Variants in KCNC4 observed in about 807,000 individuals in gnomAD.
KCNC4 encodes voltage-gated potassium channel KCNC4.
A neutral mutation model predicts 42.8 loss-of-function variants in KCNC4; 23 were observed. The ratio of observed to expected loss-of-function variants is 0.54; its 90% confidence interval spans 0.39 to 0.76. The LOEUF is 0.76. Ranked by LOEUF, KCNC4 falls within the 30% of genes least tolerant of loss-of-function variation. The pLI is 0.00. For missense variants in KCNC4, 751 were observed against 898.2 expected (o/e 0.84, Z 2.10); for synonymous variants, 422 against 393.5 (o/e 1.07, Z -0.86).
chr1:110,259,655 C>T (rs1158872453), intron 1 of KCNC4, among the ~76,000 whole-genome samples: 3 of 151,786 alleles, frequency 2.0e-5, no homozygotes, highest in African/African-American at 7.3e-5. Context: ...AATGAAGCAG[C>T]TGTCTCACAC....
downstream of KCNC4, among the ~76,000 whole-genome samples, chr1:110,254,097 G>GC (rs1316067921): frequency 7.4e-6 from 1 of 135,672 alleles, no homozygotes; most frequent in Non-Finnish European, 1.7e-5. Context: ...AGTCGGGGGG[G>GC]GGGCGGCGTT....
intron 1 of KCNC4, among the ~76,000 whole-genome samples, chr1:110,273,210 G>T (rs886565745): frequency 2.2e-4 from 34 of 152,204 alleles, no homozygotes; most frequent in African/African-American, 8.2e-4. Context: ...GAGAGAAAGT[G>T]CTGTGTGTTT....
At chr1:110,250,977 G>A (rs12133378), downstream of KCNC4, among the ~76,000 whole-genome samples, 47,242 of 152,058 alleles carry the variant, frequency 0.31, 7,707 homozygotes, top group Non-Finnish European at 0.36. Flanking sequence ...TCTGGGGGAC[G>A]GGACTAGGGC....
downstream of KCNC4, among the ~76,000 whole-genome samples, chr1:110,249,313 C>G (rs1017684341): frequency 6.6e-6 from 1 of 152,220 alleles, no homozygotes; most frequent in Non-Finnish European, 1.5e-5. Context: ...GTCTCTTCCC[C>G]TTTACCCTCC....
intron 3 of KCNC4, 32 bp downstream of exon 3, chr1:110,226,210 C>A (rs768423888): frequency 6.3e-7 from 1 of 1,596,302 alleles, no homozygotes; most frequent in Admixed American, 1.7e-5. Flanking sequence ...AGGTGGGGAG[C>A]CCCCACAGAG....
chr1:110,275,283 T>A (rs1055521681), intron 1 of KCNC4, among the ~76,000 whole-genome samples: 6 of 151,942 alleles, frequency 3.9e-5, no homozygotes, highest in Non-Finnish European at 7.4e-5. Flanking sequence ...AATCATCAGG[T>A]TTTAATGCAA....
At chr1:110,280,938 C>T (rs1659809892) in intron 1 of KCNC4, among the ~76,000 whole-genome samples, 1 of 152,088 alleles carries the variant, frequency 6.6e-6, no homozygotes, top group Non-Finnish European at 1.5e-5. Context: ...TGATCTTTAC[C>T]CAGCTTAGTT....
chr1:110,283,225 T>C (rs912535318), downstream of KCNC4: 3 of 152,142 alleles, frequency 2.0e-5, no homozygotes, highest in Non-Finnish European at 2.9e-5. Context: ...CAACCATTTA[T>C]GAGAGATCTG....
chr1:110,241,477 A>G (rs1352802603), exon 4 of KCNC4: 3 of 152,190 alleles, frequency 2.0e-5, no homozygotes, highest in Admixed American at 1.3e-4. Context: ...CAAGCAGGAT[A>G]GATAATTTTT....
rs1658811705 is a variant in KCNC4, at chr1:110,233,424, C to T, written c.*452C>T. On this transcript the variant is annotated 3_prime_UTR_variant, in exon 4 of 4. Coordinates refer to ENST00000438661, the MANE Select transcript of KCNC4 (RefSeq NM_001039574.3). The stretch of plus-strand genomic sequence containing the variant: ...CAGGCTCCTGTCTTGGGGATGTTTC[C>T]CCTGTCAGCAAGTAACCTGGTGAAG... The T allele has an allele frequency of 4.9e-6, 1 of 203,742 alleles. No homozygotes were observed. The highest frequency in any genetic ancestry group is 2.3e-5 in the African/African-American group (1 of 42,664). The allele number at this position is 203,742 out of a possible 1,614,324, so 12.6% of individuals were successfully genotyped here.
intron 3 of KCNC4, chr1:110,232,701 T>G: frequency 6.7e-7 from 1 of 1,491,850 alleles, no homozygotes; most frequent in Non-Finnish European, 8.9e-7. Context: ...TTCCTGGCCT[T>G]TTAGCCCTGG....
rs549548759 is a variant in KCNC4, at chr1:110,211,631, C to T, written c.132C>T (p.Gly44=). 1.9e-6 allele frequency: 3 copies of T among 1,613,920 alleles called. No homozygotes were observed. Among genetic ancestry groups the T allele is most frequent in the East Asian group, 4.5e-5 (2 of 44,874 alleles). The change falls in exon 1 of 4, where the codon GGC becomes GGT. Residue 44 remains glycine (G), a synonymous_variant. Coordinates refer to ENST00000438661, the MANE Select transcript of KCNC4 (RefSeq NM_001039574.3). The surrounding 1 kb of genome is among the most constrained non-coding windows in gnomAD (Gnocchi z 6.5). ...ASEKIIINVG[G]TRHETYRSTL... ...AGAAGATCATCATCAACGTGGGCGG[C>T]ACGCGACATGAGACCTACCGCAGCA...
chr1:110,254,581 T>TAAACTCTGTACA (rs1286391310), intron 1 of KCNC4, among the ~76,000 whole-genome samples: 3 of 152,232 alleles, frequency 2.0e-5, no homozygotes, highest in African/African-American at 7.2e-5. Context: ...CTGCTTGCTC[T>TAAACTCTGTACA]AAACTCTGTA....
At chr1:110,250,576 A>C (rs1156822396), downstream of KCNC4, among the ~76,000 whole-genome samples, 1 of 152,234 alleles carries the variant, frequency 6.6e-6, no homozygotes, top group Non-Finnish European at 1.5e-5. Context: ...GGCCAGGGGC[A>C]CTGTCAGTGT....
At chr1:110,265,397 TAAAATA>T (rs968497767) in intron 1 of KCNC4, among the ~76,000 whole-genome samples, 1 of 116,478 alleles carries the variant, frequency 8.6e-6, no homozygotes, top group Non-Finnish European at 1.7e-5. Flanking sequence ...TAAAATAAAA[TAAAATA>T]AAATAAAATA....
In KCNC4 at chr1:110,233,233, G is replaced by A. The variant is rs479759; in HGVS notation, c.*261G>A. ...TATTATACTCTTGTGTGTAGTGCAC[G>A]TGCTATTGGTGGTTTGTCTTCTTTG... On this transcript the variant is annotated 3_prime_UTR_variant, in exon 4 of 4. Transcript: ENST00000438661. The A allele has an allele frequency of 2.9e-3, 1,643 of 570,694 alleles. 20 individuals are homozygous for A. The highest frequency in any genetic ancestry group is 0.027 in the African/African-American group (1,443 of 53,488). The allele number at this position is 570,694 out of a possible 1,614,324, so 35.4% of individuals were successfully genotyped here. A position where few individuals can be genotyped will look rare whatever the true frequency, so the allele number is the denominator to read the frequency against.
At chr1:110,268,850 CT>C (rs1326964784) in intron 1 of KCNC4, among the ~76,000 whole-genome samples, 1 of 151,296 alleles carries the variant, frequency 6.6e-6, no homozygotes, top group Non-Finnish European at 1.5e-5. Flanking sequence ...GCCTCAGCCT[CT>C]CTGAGTAGCT....
At chr1:110,261,037 C>T (rs1177652890) in intron 1 of KCNC4, among the ~76,000 whole-genome samples, 2 of 152,172 alleles carry the variant, frequency 1.3e-5, no homozygotes, top group Admixed American at 6.5e-5. Context: ...GAGATATTAG[C>T]TAATGATAGC....
At chr1:110,252,981 C>T (rs1659271209), downstream of KCNC4, among the ~76,000 whole-genome samples, 1 of 152,220 alleles carries the variant, frequency 6.6e-6, no homozygotes, top group Non-Finnish European at 1.5e-5. Flanking sequence ...GATCTTATCT[C>T]TCTGCTCTCC....
Sources: gnomAD v4.1 joint callset for allele counts (sites outside exome capture counted in the v4.1 genomes callset) on GRCh38, gnomAD v4.1.1 for gene constraint, Gnocchi (gnomAD v3.1) non-coding constraint, MANE v1.5 for transcripts, NCBI Gene and HGNC (gene_info 2026-07-23, HGNC 2026-07-21) for gene names.